The following KLHL24 variants were observed in gnomAD, a reference collection of about 807,000 sequenced individuals.
KLHL24 encodes the protein kelch-like protein 24.
In KLHL24, 29 loss-of-function variants were observed where a neutral mutation model predicts 53.4. The ratio of observed to expected loss-of-function variants is 0.54; its 90% CI spans 0.40 to 0.74. The LOEUF (loss-of-function observed/expected upper bound fraction) is 0.74. Ranked by LOEUF, KLHL24 falls within the 30% of genes least tolerant of loss-of-function variation. The probability of loss-of-function intolerance (pLI) is 0.00; values close to 1 mark genes in which losing one functional copy is unlikely to be tolerated. For synonymous variants in KLHL24, 222 were observed against 253.7 expected, an observed-to-expected ratio of 0.88 and a Z score of 1.19; for missense variants, 504 against 744.0, an observed-to-expected ratio of 0.68 and a Z score of 3.75.
At chr3:183,641,780 G>A (rs1022388905) in intron 1 of KLHL24, among the ~76,000 whole-genome samples, 2 of 152,040 alleles carry the variant, frequency 1.3e-5, no homozygotes, top group African/African-American at 4.8e-5. Flanking sequence ...TAACCTCATC[G>A]TATAGAATTT....
chr3:183,637,857 C>T (rs1422580786), intron 1 of KLHL24, among the ~76,000 whole-genome samples: 2 of 152,212 alleles, frequency 1.3e-5, no homozygotes. Flanking sequence ...CGGGGTTTCA[C>T]CATGTTGGCC....
intron 1 of KLHL24, among the ~76,000 whole-genome samples, chr3:183,639,778 G>A (rs1247132948): frequency 6.6e-6 from 1 of 152,176 alleles, no homozygotes; most frequent in Non-Finnish European, 1.5e-5. Context: ...GGCCGGGCCA[G>A]GTGGATCACC....
At chr3:183,665,768 TAAAA>T (rs937726808) in intron 5 of KLHL24, among the ~76,000 whole-genome samples, 182 of 151,570 alleles carry the variant, frequency 1.2e-3, no homozygotes, top group African/African-American at 4.0e-3. Flanking sequence ...AAAATAAAAA[TAAAA>T]AAACTCACAT....
At chr3:183,654,198 CT>C (rs1178124927) in intron 3 of KLHL24, among the ~76,000 whole-genome samples, 4 of 152,224 alleles carry the variant, frequency 2.6e-5, no homozygotes, top group African/African-American at 9.6e-5. Flanking sequence ...CTTGAAATAC[CT>C]CCATTGGCTT....
intron 2 of KLHL24, among the ~76,000 whole-genome samples, chr3:183,645,921 A>G (rs1459695871): frequency 2.0e-5 from 3 of 152,136 alleles, no homozygotes; most frequent in Non-Finnish European, 4.4e-5. Flanking sequence ...TTACTTTTAT[A>G]TGTGTTCATT....
intron 1 of KLHL24, among the ~76,000 whole-genome samples, chr3:183,641,780 G>T (rs1022388905): frequency 6.6e-6 from 1 of 152,040 alleles, no homozygotes; most frequent in African/African-American, 2.4e-5. Flanking sequence ...TAACCTCATC[G>T]TATAGAATTT....
Position 183,663,629 on chromosome 3 carries a change from C to T in KLHL24, c.1092C>T (p.Asp364=). 6.5e-7 allele frequency: 1 copy of T among 1,540,934 alleles called. No individual in the cohort carries two copies. The highest frequency in any genetic ancestry group is 8.8e-7 in the Non-Finnish European group (1 of 1,140,958). Residue 364 remains aspartate (D), a synonymous_variant, in exon 4 of 8, where the codon GAC becomes GAT. Coordinates refer to ENST00000242810, the MANE Select transcript of KLHL24 (RefSeq NM_017644.3). This position sits in a 1 kb window ranked among gnomAD's most constrained non-coding sequence, Gnocchi z 4.9. ...ATGCAGTCTGTGCTCTAAGGAATGA[C>T]ATTCTTGTTTCAGGTAAATATAGAA... ...SEYAVCALRN[D]ILVSGGRINS... is the part of the protein sequence containing the mutation.
chr3:183,649,538 G>T (rs1717832784), intron 2 of KLHL24, among the ~76,000 whole-genome samples: 1 of 151,348 alleles, frequency 6.6e-6, no homozygotes, highest in South Asian at 2.1e-4. Flanking sequence ...AAAAAAAAAG[G>T]ACTTGCTGGT....
rs750854702 is a variant in KLHL24 at position 183,651,212 on chromosome 3, C to T, written c.856C>T (p.His286Tyr). The change falls in exon 3 of 8, where the codon CAT becomes TAT. Residue 286 changes from histidine to tyrosine, a missense_variant. Coordinates refer to ENST00000242810, the MANE Select transcript of KLHL24 (RefSeq NM_017644.3). ...QNSPECYQLL[H>Y]EARRYHILGN... The stretch of plus-strand genomic sequence containing the variant: ...TTCTCCTGAGTGTTATCAGTTGTTG[C>T]ATGAAGCAAGACGGTACCACATACT... 2.5e-6 allele frequency: 4 copies of T among 1,614,150 alleles called. No individual in the cohort carries two copies. Among genetic ancestry groups the T allele is most frequent in the Non-Finnish European group, 3.4e-6 (4 of 1,180,000 alleles).
intron 3 of KLHL24, among the ~76,000 whole-genome samples, chr3:183,652,427 G>T (rs961562811): frequency 6.6e-6 from 1 of 151,816 alleles, no homozygotes; most frequent in African/African-American, 2.4e-5. Context: ...GCTAATGTTG[G>T]TGTTGGTTTT....
At position 183,651,076 on chromosome 3, in the gene KLHL24, C is replaced by T. The variant is rs746256967; in HGVS notation, c.720C>T (p.Ala240=). The change falls in exon 3 of 8, where the codon GCC becomes GCT. Residue 240 remains alanine (A), a synonymous_variant. Transcript: ENST00000242810. The stretch of plus-strand genomic sequence containing the variant: ...CCGTCATGCGTTGGGTCTATCGTGC[C>T]GTTGATCTGAGAAGACCACTGTTAC... ...FEAVMRWVYR[A]VDLRRPLLHE... 2.4e-5 allele frequency: 39 copies of T among 1,613,976 alleles called. No individual in the cohort carries two copies. Among genetic ancestry groups the T allele is most frequent in the South Asian group, 7.7e-5 (7 of 91,080 alleles).
At chr3:183,636,220 G>A (rs71318332) in intron 1 of KLHL24, 25,097 of 152,220 alleles carry the variant, frequency 0.16, 2,217 homozygotes, top group East Asian at 0.35. Flanking sequence ...TTTTATTTCA[G>A]GAAGCCCGGG....
At chr3:183,662,875 T>C (rs1328422548) in intron 3 of KLHL24, among the ~76,000 whole-genome samples, 2 of 152,218 alleles carry the variant, frequency 1.3e-5, no homozygotes, top group Non-Finnish European at 2.9e-5. Context: ...CCTTTAACAT[T>C]CTTGTTATAA....
intron 3 of KLHL24, among the ~76,000 whole-genome samples, chr3:183,655,166 C>T (rs1008704365): frequency 6.6e-6 from 1 of 152,142 alleles, no homozygotes; most frequent in Non-Finnish European, 1.5e-5. Flanking sequence ...ACAGAGAAAT[C>T]CCGAAAATGC....
At chr3:183,675,969 TTTTCTC>T (rs1405169185) in intron 7 of KLHL24, among the ~76,000 whole-genome samples, 1 of 152,188 alleles carries the variant, frequency 6.6e-6, no homozygotes, top group Non-Finnish European at 1.5e-5. Flanking sequence ...ACATGGCACA[TTTTCTC>T]TAATTAAACA....
rs755600519 is a variant in KLHL24, at chr3:183,661,064, CAAA to C, written c.921-2373_921-2371del. The stretch of plus-strand genomic sequence containing the variant: ...TGGGCGACAGAGCGAGACTCCGTCT[CAAA>C]AAAAAAAAAAAAAAAAAAAATTCAC... On this transcript the variant is annotated intron_variant, in intron 3 of 7. Coordinates refer to ENST00000242810, the MANE Select transcript of KLHL24 (RefSeq NM_017644.3). 1.8e-4 allele frequency among the ~76,000 whole-genome samples: 5 copies of C among 27,882 alleles called. No homozygotes were observed. In the East Asian group the frequency reaches 4.0e-3, roughly 22 times the overall value. The allele number at this position is 27,882 out of a possible 152,430, so 18.3% of individuals were successfully genotyped here.
rs1712789250 is a variant in KLHL24, at chr3:183,682,568, T to C, written c.*3282T>C. On this transcript the variant is annotated 3_prime_UTR_variant, in exon 8 of 8. Coordinates refer to ENST00000242810, the MANE Select transcript of KLHL24 (RefSeq NM_017644.3). The stretch of plus-strand genomic sequence containing the variant: ...TAATCTTCAATTCATGATTCTAGAG[T>C]AAGTTTAATTTGGAAAAAGGGGCTT... 6.6e-6 allele frequency: 1 copy of C among 152,586 alleles called. No individual in the cohort carries two copies. Among genetic ancestry groups the C allele is most frequent in the Admixed American group, 6.6e-5 (1 of 15,260 alleles). The allele number at this position is 152,586 out of a possible 1,614,324, so 9.5% of individuals were successfully genotyped here.
intron 2 of KLHL24, among the ~76,000 whole-genome samples, chr3:183,647,220 A>AT (rs1717411349): frequency 6.6e-6 from 1 of 151,660 alleles, no homozygotes; most frequent in Non-Finnish European, 1.5e-5. Context: ...TATTGAGACC[A>AT]TCCTGCCCAA....
intron 3 of KLHL24, among the ~76,000 whole-genome samples, chr3:183,655,774 T>A (rs1042464701): frequency 2.6e-5 from 4 of 151,778 alleles, no homozygotes; most frequent in Admixed American, 2.0e-4. Flanking sequence ...ATGCAAAAAA[T>A]TAGCAGACAT....
Sources: allele counts gnomAD v4.1 joint callset (sites outside exome capture counted in the v4.1 genomes callset), GRCh38; gene constraint gnomAD v4.1.1; non-coding constraint Gnocchi (gnomAD v3.1); transcripts MANE v1.5; gene names NCBI Gene and HGNC (gene_info 2026-07-23, HGNC 2026-07-21).